LINGO2: variants seen among roughly 807,000 people sequenced by gnomAD.
LINGO2 encodes the protein leucine-rich repeat and immunoglobulin-like domain-containing nogo receptor-interacting protein 2.
A neutral mutation model predicts 30.6 loss-of-function variants in LINGO2; 14 were observed. That is an observed-to-expected ratio of 0.46 (90% CI 0.30 to 0.72). The LOEUF (loss-of-function observed/expected upper bound fraction) is 0.72, where lower values mean the gene tolerates loss of function less well. LINGO2 is among the 30% of genes least tolerant of loss of function. The pLI is 0.07. For missense variants in LINGO2, 729 were observed against 751.7 expected, an observed-to-expected ratio of 0.97 and a Z score of 0.35; for synonymous variants, 317 against 288.5, an observed-to-expected ratio of 1.10 and a Z score of -1.00.
chr9:28,532,581 C>T (rs1821275555), intron 1 of LINGO2, among the ~76,000 whole-genome samples: 1 of 152,018 alleles, frequency 6.6e-6, no homozygotes, highest in Non-Finnish European at 1.5e-5. Context: ...ATGTATTTAT[C>T]ATATACTTAT....
chr9:28,246,052 A>C (rs1310347793), intron 4 of LINGO2, among the ~76,000 whole-genome samples: 1 of 152,166 alleles, frequency 6.6e-6, no homozygotes, highest in Non-Finnish European at 1.5e-5. Context: ...ACTATACCAC[A>C]AGGCTACAGT....
chr9:28,488,333 T>C (rs1249386066), intron 1 of LINGO2, among the ~76,000 whole-genome samples: 1 of 152,164 alleles, frequency 6.6e-6, no homozygotes, highest in Non-Finnish European at 1.5e-5. Flanking sequence ...TACTGAATAC[T>C]GTAGCAAAGA....
At chr9:28,656,307 A>G (rs2135992422) in intron 1 of LINGO2, among the ~76,000 whole-genome samples, 1 of 152,238 alleles carries the variant, frequency 6.6e-6, no homozygotes, top group Admixed American at 6.5e-5. Context: ...ATAAAAAAGG[A>G]AAAATACAGG....
At chr9:28,517,256 C>T (rs1022273006) in intron 1 of LINGO2, among the ~76,000 whole-genome samples, 45 of 152,146 alleles carry the variant, frequency 3.0e-4, no homozygotes, top group African/African-American at 9.9e-4. Flanking sequence ...GCTGCCACTC[C>T]TTCTAAAAGA....
At chr9:28,954,022 C>A in the LINGO2 span, among the ~76,000 whole-genome samples, 24,974 of 151,850 alleles carry the variant, frequency 0.16, 2,082 homozygotes, top group South Asian at 0.2. Flanking sequence ...TAATCTTATC[C>A]GAATAATTTT....
the LINGO2 span, among the ~76,000 whole-genome samples, chr9:29,162,122 G>C: frequency 6.6e-6 from 1 of 152,030 alleles, no homozygotes; most frequent in Non-Finnish European, 1.5e-5. Flanking sequence ...CTTTCATCAT[G>C]TTGGTCAGGC....
At chr9:28,853,528 C>T in the LINGO2 span, among the ~76,000 whole-genome samples, 7 of 152,026 alleles carry the variant, frequency 4.6e-5, no homozygotes, top group East Asian at 1.9e-4. Flanking sequence ...TGCCTCCTAA[C>T]GTAGTAGTTC....
the LINGO2 span, among the ~76,000 whole-genome samples, chr9:28,748,093 G>A: frequency 1.3e-5 from 2 of 151,894 alleles, no homozygotes; most frequent in African/African-American, 4.8e-5. Flanking sequence ...TCTTATTGAG[G>A]TCTATGGTGA....
At chr9:28,999,725 T>A in the LINGO2 span, among the ~76,000 whole-genome samples, 1 of 152,014 alleles carries the variant, frequency 6.6e-6, no homozygotes, top group South Asian at 2.1e-4. Context: ...TAGGAAAAAA[T>A]AGGGATAATT....
At chr9:28,217,031 G>A (rs1820791727) in intron 4 of LINGO2, among the ~76,000 whole-genome samples, 1 of 151,352 alleles carries the variant, frequency 6.6e-6, no homozygotes, top group Non-Finnish European at 1.5e-5. Flanking sequence ...GAAAAGCAAG[G>A]AATAGACATT....
chr9:28,298,811 AT>A (rs1409703505), intron 3 of LINGO2, among the ~76,000 whole-genome samples: 16 of 152,224 alleles, frequency 1.1e-4, no homozygotes, highest in Admixed American at 3.3e-4. Flanking sequence ...GGGGCATGGC[AT>A]ACAGAAGTGA....
intron 3 of LINGO2, among the ~76,000 whole-genome samples, chr9:28,359,484 C>T (rs1820359699): frequency 1.3e-5 from 2 of 152,022 alleles, no homozygotes; most frequent in Non-Finnish European, 2.9e-5. Flanking sequence ...TAACCCTGGC[C>T]CTAAAATTAC....
chr9:29,071,740 A>G, the LINGO2 span, among the ~76,000 whole-genome samples: 1 of 151,146 alleles, frequency 6.6e-6, no homozygotes, highest in Non-Finnish European at 1.5e-5. Context: ...GATGGACATC[A>G]GTCAGTGCTT....
rs1450485072 is a variant in LINGO2, at chr9:28,351,768, C to T, written c.-246+21068G>A. Among the ~76,000 whole-genome samples, 8 of 152,192 alleles carry T rather than the reference C, an allele frequency of 5.3e-5. No homozygotes were observed. The South Asian group carries it at 1.0e-3, about 20-fold the overall frequency. ...AATCCTCAATAAAATACTGGCAAAA[C>T]GAATCCAGCAGCACATCAAGAAGCT... On this transcript the variant is annotated intron_variant, in intron 3 of 5. Transcript: ENST00000379992.
the LINGO2 span, among the ~76,000 whole-genome samples, chr9:29,055,936 G>GTATATATATATATATATATACACATATA: frequency 9.8e-5 from 12 of 121,942 alleles, 1 homozygote; most frequent in South Asian, 2.6e-4. Flanking sequence ...GTGTATGTGT[G>GTATATATATATATATATATACACATATA]TGTGTATATA....
chr9:28,228,177 A>G (rs547829569), intron 4 of LINGO2, among the ~76,000 whole-genome samples: 36 of 152,066 alleles, frequency 2.4e-4, no homozygotes, highest in Non-Finnish European at 3.5e-4. Flanking sequence ...TACCTTTTAT[A>G]ATTATCTAGT....
the LINGO2 span, among the ~76,000 whole-genome samples, chr9:29,136,051 AC>A: frequency 6.6e-6 from 1 of 152,106 alleles, no homozygotes. Flanking sequence ...CCCAATTATC[AC>A]AGTTTGAGAT....
At chr9:28,189,261 AAGGG>A (rs1274192438) in intron 4 of LINGO2, among the ~76,000 whole-genome samples, 1 of 85,758 alleles carries the variant, frequency 1.2e-5, no homozygotes, top group African/African-American at 4.8e-5. Context: ...GGGAGGAAGG[AAGGG>A]AGGGAGGAAG....
chr9:28,430,034 C>A (rs1328276758), intron 2 of LINGO2, among the ~76,000 whole-genome samples: 1 of 151,888 alleles, frequency 6.6e-6, no homozygotes. Flanking sequence ...TCAGAAACTA[C>A]CAGGAAGAAT....
Sources: allele counts gnomAD v4.1 joint callset (sites outside exome capture counted in the v4.1 genomes callset), GRCh38; gene constraint gnomAD v4.1.1; transcripts MANE v1.5; gene names NCBI Gene and HGNC (gene_info 2026-07-23, HGNC 2026-07-21).